The following BRSK2 variants were observed in gnomAD, a reference collection of about 807,000 sequenced individuals.
The protein encoded by BRSK2 is BR serine/threonine kinase 2.
A neutral mutation model predicts 83.3 loss-of-function variants in BRSK2; 19 were observed. That is an observed-to-expected ratio of 0.23 (90% CI 0.16 to 0.33). The LOEUF (loss-of-function observed/expected upper bound fraction) is 0.33. BRSK2 is among the 10% of genes least tolerant of loss of function. BRSK2 has a pLI of 1.00. For synonymous variants in BRSK2, 519 were observed against 435.4 expected (o/e 1.19, Z -2.39); for missense variants, 798 against 1,042.3 (o/e 0.77, Z 3.23).
At position 1,451,303 on chromosome 11, in the gene BRSK2, G is replaced by T; in HGVS notation, c.1496-68G>T. 3.2e-6 allele frequency: 5 copies of T among 1,580,154 alleles called. No homozygotes were observed. The South Asian group carries it at 3.3e-5, about 10-fold the overall frequency. On this transcript the variant is annotated intron_variant, in intron 14 of 19. Transcript: ENST00000528841. ...CCTGATGACCCTGACCTCGGCGCAA[G>T]GTGGCCAGGGCAGGGGAAGGATGGA... is the stretch of plus-strand genomic sequence containing the variant.
At chr11:1,447,871 C>G (rs1243661682) in intron 12 of BRSK2, 1 of 1,592,786 alleles carries the variant, frequency 6.3e-7, no homozygotes, top group African/African-American at 1.3e-5. Context: ...CAGGTATACA[C>G]CCCGACCACC....
chr11:1,434,712 G>T (rs1161114182), intron 1 of BRSK2, among the ~76,000 whole-genome samples: 3 of 134,292 alleles, frequency 2.2e-5, no homozygotes, highest in Non-Finnish European at 4.8e-5. Context: ...TGGGGTCCCC[G>T]TGATAACCTG....
rs780084817 is a variant in BRSK2 at position 1,443,127 on chromosome 11, C to A, written c.552C>A (p.Pro184=). 5.2e-6 allele frequency: 8 copies of A among 1,536,472 alleles called. No individual in the cohort carries two copies. The Admixed American group carries it at 1.2e-4, about 23-fold the overall frequency. ...TSCGSPHYAC[P]EVIRGEKYDG... is the part of the protein sequence containing the mutation. ...GCAGGTCCCCCCACTACGCCTGCCCCGAGGTGATCCGGGTGAGTCAGCGCC... is the reference window on the plus strand; with the variant it reads ...GCAGGTCCCCCCACTACGCCTGCCCAGAGGTGATCCGGGTGAGTCAGCGCC... Residue 184 remains proline, a synonymous_variant, in exon 6 of 20, where the codon CCC becomes CCA. Transcript: ENST00000528841.
At chr11:1,422,334 C>T (rs1466918268) in intron 1 of BRSK2, among the ~76,000 whole-genome samples, 1 of 152,170 alleles carries the variant, frequency 6.6e-6, no homozygotes, top group Non-Finnish European at 1.5e-5. Context: ...CTCCTCCACC[C>T]TGTCTGCCGT....
chr11:1,425,038 C>T (rs907195029), intron 1 of BRSK2, among the ~76,000 whole-genome samples: 3 of 152,240 alleles, frequency 2.0e-5, no homozygotes, highest in Non-Finnish European at 4.4e-5. Flanking sequence ...TCCCACTCAG[C>T]GAGGCTGTTC....
At chr11:1,434,596 G>A (rs929698313) in intron 1 of BRSK2, among the ~76,000 whole-genome samples, 1 of 147,548 alleles carries the variant, frequency 6.8e-6, no homozygotes, top group Admixed American at 6.7e-5. Flanking sequence ...CAGGAGTGGG[G>A]TCCCCTGTGA....
intron 1 of BRSK2, among the ~76,000 whole-genome samples, chr11:1,418,248 C>A (rs1417581992): frequency 6.8e-6 from 1 of 146,684 alleles, no homozygotes; most frequent in Non-Finnish European, 1.5e-5. Context: ...ACACTGTGTC[C>A]TGCTTCTGTG....
chr11:1,407,243 T>A (rs1003771554), intron 1 of BRSK2, among the ~76,000 whole-genome samples: 1 of 152,122 alleles, frequency 6.6e-6, no homozygotes, highest in African/African-American at 2.4e-5. Context: ...GAGCTTGGTG[T>A]GGGTCACCGG....
At chr11:1,391,160 C>A (rs1407321544) in intron 1 of BRSK2, among the ~76,000 whole-genome samples, 4 of 152,232 alleles carry the variant, frequency 2.6e-5, no homozygotes, top group Admixed American at 6.5e-5. Flanking sequence ...ATGTGGCCAA[C>A]TCTCCCCGGC....
At position 1,436,119 on chromosome 11, in the gene BRSK2, G is replaced by A; in HGVS notation, c.171G>A (p.Glu57=). The change falls in exon 2 of 20, where the codon GAG becomes GAA. Residue 57 remains glutamate, a synonymous_variant. Transcript: ENST00000528841. ...TCGTCAACCGTGAGAAGCTCAGCGA[G>A]TCGGTGCTGATGAAGGTGGGTGGGG... ...IKIVNREKLS[E]SVLMKVEREI... 6.3e-7 allele frequency: 1 copy of A among 1,591,114 alleles called. No individual in the cohort carries two copies. The highest frequency in any genetic ancestry group is 1.4e-5 in the African/African-American group (1 of 73,334).
At chr11:1,443,868 G>A (rs1045459360) in intron 8 of BRSK2, among the ~76,000 whole-genome samples, 3 of 152,258 alleles carry the variant, frequency 2.0e-5, no homozygotes, top group Middle Eastern at 3.4e-3. Context: ...GTGTGTGTGC[G>A]CACCCAGGTG....
At chr11:1,412,824 C>G (rs1309307024) in intron 1 of BRSK2, among the ~76,000 whole-genome samples, 3 of 152,126 alleles carry the variant, frequency 2.0e-5, no homozygotes, top group Admixed American at 6.5e-5. Context: ...CCTGGCCGCA[C>G]ACAGCAACCC....
intron 1 of BRSK2, among the ~76,000 whole-genome samples, chr11:1,396,139 C>T (rs183862307): frequency 9.2e-5 from 14 of 151,772 alleles, no homozygotes; most frequent in Admixed American, 2.0e-4. Context: ...TTAAGGTTGT[C>T]GCTGTGCCAG....
intron 18 of BRSK2, 70 bp downstream of exon 18, chr11:1,456,757 CG>C (rs1237472039): frequency 4.7e-6 from 7 of 1,491,356 alleles, no homozygotes; most frequent in Non-Finnish European, 5.4e-6. Flanking sequence ...GCTGCGCGGA[CG>C]GGAGGCGTGA....
At chr11:1,426,147 C>T (rs926519961) in intron 1 of BRSK2, among the ~76,000 whole-genome samples, 56 of 152,292 alleles carry the variant, frequency 3.7e-4, no homozygotes, top group East Asian at 9.7e-4. Context: ...TCTGGGCACC[C>T]AGCTGCATGG....
intron 1 of BRSK2, among the ~76,000 whole-genome samples, chr11:1,435,759 T>C (rs1850223500): frequency 6.7e-6 from 1 of 149,618 alleles, no homozygotes. Context: ...AGGGAGGGGA[T>C]TTGGGTGCCT....
chr11:1,415,595 T>G (rs1848017705), intron 1 of BRSK2, among the ~76,000 whole-genome samples: 1 of 152,152 alleles, frequency 6.6e-6, no homozygotes, highest in African/African-American at 2.4e-5. Flanking sequence ...TTGGACCCAG[T>G]TTTAGTCAGC....
At chr11:1,397,406 C>A (rs1353977917) in intron 1 of BRSK2, among the ~76,000 whole-genome samples, 1 of 152,232 alleles carries the variant, frequency 6.6e-6, no homozygotes, top group Non-Finnish European at 1.5e-5. Context: ...GTTCTGGGCC[C>A]AGCAGCTGGG....
chr11:1,434,290 G>A (rs539191275), intron 1 of BRSK2, among the ~76,000 whole-genome samples: 8 of 152,230 alleles, frequency 5.3e-5, no homozygotes, highest in Non-Finnish European at 8.8e-5. Flanking sequence ...TGCCAGCCAG[G>A]ATCTGGGTGT....
Sources: allele counts gnomAD v4.1 joint callset (sites outside exome capture counted in the v4.1 genomes callset), GRCh38; gene constraint gnomAD v4.1.1; transcripts MANE v1.5; gene names NCBI Gene and HGNC (gene_info 2026-07-23, HGNC 2026-07-21).